TTC17: variants seen among roughly 807,000 people sequenced by gnomAD.
The protein encoded by TTC17 is tetratricopeptide repeat protein 17.
TTC17 carries 58 observed loss-of-function variants against 143.8 expected under a neutral mutation model. The observed-to-expected ratio is 0.40, with a 90% confidence interval of 0.33 to 0.50. The LOEUF is 0.50. TTC17 is among the 20% of genes least tolerant of loss of function. TTC17 has a pLI of 0.49. For missense variants in TTC17, 1,273 were observed against 1,392.5 expected (o/e 0.91, Z 1.37); for synonymous variants, 501 against 497.8 (o/e 1.01, Z -0.09).
intron 15 of TTC17, among the ~76,000 whole-genome samples, chr11:43,410,526 T>C (rs1858361990): frequency 6.6e-6 from 1 of 152,200 alleles, no homozygotes; most frequent in South Asian, 2.1e-4. Flanking sequence ...CAAGTTAAAT[T>C]TTCTTTGTAG....
At chr11:43,435,779 A>G (rs533997926) in intron 16 of TTC17, among the ~76,000 whole-genome samples, 22 of 152,324 alleles carry the variant, frequency 1.4e-4, no homozygotes, top group African/African-American at 5.1e-4. Flanking sequence ...GCTATAATTT[A>G]TCTCAGACTT....
At chr11:43,385,968 G>C (rs1051234660) in intron 2 of TTC17, among the ~76,000 whole-genome samples, 2 of 151,818 alleles carry the variant, frequency 1.3e-5, no homozygotes, top group South Asian at 2.1e-4. Context: ...GCAGATATCA[G>C]ATAAAGATTT....
intron 15 of TTC17, among the ~76,000 whole-genome samples, chr11:43,410,633 A>G (rs1858367034): frequency 6.6e-6 from 1 of 152,136 alleles, no homozygotes; most frequent in Non-Finnish European, 1.5e-5. Context: ...ATTACCCGTC[A>G]CCTTTGCCCT....
chr11:43,439,470 GTT>G (rs370245266), intron 16 of TTC17, among the ~76,000 whole-genome samples: 3 of 137,908 alleles, frequency 2.2e-5, no homozygotes, highest in Non-Finnish European at 1.6e-5. Context: ...TTTTTTTTTG[GTT>G]TTTTTTTTTT....
chr11:43,421,247 A>G (rs1416237869), intron 16 of TTC17, among the ~76,000 whole-genome samples: 1 of 152,238 alleles, frequency 6.6e-6, no homozygotes, highest in Non-Finnish European at 1.5e-5. Flanking sequence ...GCAGATATAC[A>G]GCATAAAAGC....
chr11:43,408,810 C>T (rs1358103053), intron 15 of TTC17, among the ~76,000 whole-genome samples: 1 of 151,934 alleles, frequency 6.6e-6, no homozygotes, highest in Non-Finnish European at 1.5e-5. Context: ...GGCGTGGTCA[C>T]GGCTCACTGC....
chr11:43,431,402 G>A (rs574453864), intron 16 of TTC17, among the ~76,000 whole-genome samples: 2 of 152,138 alleles, frequency 1.3e-5, no homozygotes, highest in Non-Finnish European at 2.9e-5. Flanking sequence ...GTGTAAAAGC[G>A]TTCCTATTTC....
chr11:43,444,428 TAA>T, intron 18 of TTC17: 1 of 364,576 alleles, frequency 2.7e-6, no homozygotes, highest in Non-Finnish European at 4.8e-6. Flanking sequence ...TTATGTGTAA[TAA>T]ATCATAAAGG....
At chr11:43,438,931 C>T (rs1006814) in intron 16 of TTC17, among the ~76,000 whole-genome samples, 26,027 of 152,176 alleles carry the variant, frequency 0.17, 2,936 homozygotes, top group Non-Finnish European at 0.24. Context: ...AGTTTCTTCC[C>T]GGATAACCAT....
chr11:43,442,786 T>C (rs1357101314), intron 16 of TTC17, among the ~76,000 whole-genome samples: 3 of 152,196 alleles, frequency 2.0e-5, no homozygotes, highest in Non-Finnish European at 4.4e-5. Flanking sequence ...AGAAAGAAAT[T>C]ATTGTAGTAT....
At chr11:43,433,248 C>T (rs1947201231) in intron 16 of TTC17, among the ~76,000 whole-genome samples, 1 of 152,204 alleles carries the variant, frequency 6.6e-6, no homozygotes, top group Non-Finnish European at 1.5e-5. Flanking sequence ...ATCCGCCTTC[C>T]TCAGCCTCCC....
At chr11:43,456,467 C>T (rs954003038) in intron 21 of TTC17, among the ~76,000 whole-genome samples, 2 of 152,124 alleles carry the variant, frequency 1.3e-5, no homozygotes, top group African/African-American at 4.8e-5. Flanking sequence ...AGTTAATACA[C>T]CTGTAAAAGT....
intron 1 of TTC17, among the ~76,000 whole-genome samples, chr11:43,376,773 A>G (rs1382462025): frequency 6.6e-6 from 1 of 152,170 alleles, no homozygotes; most frequent in Non-Finnish European, 1.5e-5. Flanking sequence ...GGTTGAATGG[A>G]TGTTGTAACA....
chr11:43,379,396 G>A, intron 2 of TTC17, 74 bp downstream of exon 2: 1 of 1,350,902 alleles, frequency 7.4e-7, no homozygotes. Context: ...TCAAAGAAAA[G>A]CTAAAGCATA....
chr11:43,460,955 C>T (rs1409915668), intron 21 of TTC17, among the ~76,000 whole-genome samples: 1 of 152,214 alleles, frequency 6.6e-6, no homozygotes, highest in Admixed American at 6.5e-5. Context: ...AGTCCCGGGG[C>T]CTGCTCAAAA....
chr11:43,426,540 T>G (rs762869912), intron 16 of TTC17, among the ~76,000 whole-genome samples: 1 of 152,220 alleles, frequency 6.6e-6, no homozygotes, highest in Non-Finnish European at 1.5e-5. Context: ...CTGAGATCCA[T>G]CCACAAGTCT....
At chr11:43,465,820 A>G (rs978617684) in intron 21 of TTC17, among the ~76,000 whole-genome samples, 2 of 152,158 alleles carry the variant, frequency 1.3e-5, no homozygotes, top group Admixed American at 6.5e-5. Context: ...TGTAAGACCT[A>G]AAACTGTACA....
chr11:43,443,614 T>C (rs1251217562), intron 17 of TTC17, 30 bp downstream of exon 17: 4 of 1,587,150 alleles, frequency 2.5e-6, no homozygotes, highest in African/African-American at 1.4e-5. Flanking sequence ...TCTCACAAAA[T>C]TGTAGCCCAT....
intron 16 of TTC17, among the ~76,000 whole-genome samples, chr11:43,429,951 T>A (rs558096985): frequency 1.3e-5 from 2 of 152,378 alleles, no homozygotes; most frequent in Admixed American, 6.5e-5. Flanking sequence ...AATATTCCAC[T>A]GTTTCACAAA....
Sources: gnomAD v4.1 joint callset for allele counts (sites outside exome capture counted in the v4.1 genomes callset) on GRCh38, gnomAD v4.1.1 for gene constraint, MANE v1.5 for transcripts, NCBI Gene and HGNC (gene_info 2026-07-23, HGNC 2026-07-21) for gene names.